SNCAIP: variants seen among roughly 807,000 people sequenced by gnomAD.
SNCAIP encodes synuclein alpha interacting protein.
A neutral mutation model predicts 86.7 loss-of-function variants in SNCAIP; 43 were observed. That is an observed-to-expected ratio of 0.50 (90% CI 0.39 to 0.64). The LOEUF (loss-of-function observed/expected upper bound fraction) is 0.64. Ranked by LOEUF, SNCAIP falls within the 30% of genes least tolerant of loss-of-function variation. The probability of loss-of-function intolerance (pLI) is 0.00; values close to 1 mark genes in which losing one functional copy is unlikely to be tolerated. For missense variants in SNCAIP, 981 were observed against 1,103.1 expected, an observed-to-expected ratio of 0.89 and a Z score of 1.57; for synonymous variants, 417 against 427.2, an observed-to-expected ratio of 0.98 and a Z score of 0.29.
Position 122,423,370 on chromosome 5 carries a change from TC to T in SNCAIP, c.636del (p.Val213Ter). 6.2e-7 allele frequency: 1 copy of T among 1,613,536 alleles called. No individual in the cohort carries two copies. The highest frequency in any genetic ancestry group is 8.5e-7 in the Non-Finnish European group (1 of 1,179,654). ...ACATGGCACCATTTTGTGTTCTTTC[TC>T]CCGTGAAAAGCCCTCACTTGAGAAA... ...SNMAPFCVLS[P>X]VKSPHLRKAS... On this transcript the variant is annotated frameshift_variant, in exon 4 of 11. Transcript: ENST00000261368. LOFTEE classifies it high-confidence loss of function.
At chr5:122,431,562 G>A (rs1391924252) in intron 5 of SNCAIP, among the ~76,000 whole-genome samples, 3 of 152,030 alleles carry the variant, frequency 2.0e-5, no homozygotes, top group Admixed American at 2.0e-4. Context: ...ATGAGAGGAG[G>A]GTGAGAACCA....
chr5:122,435,515 T>C (rs941279854), intron 6 of SNCAIP, among the ~76,000 whole-genome samples: 5 of 152,202 alleles, frequency 3.3e-5, no homozygotes, highest in Admixed American at 1.3e-4. Flanking sequence ...TGATTCCTTT[T>C]GTTTCTGAAT....
At chr5:122,317,863 A>G (rs1427342422) in intron 1 of SNCAIP, among the ~76,000 whole-genome samples, 2 of 152,022 alleles carry the variant, frequency 1.3e-5, no homozygotes, top group African/African-American at 4.8e-5. Context: ...CCACCTAATC[A>G]GTCACCAAGA....
intron 1 of SNCAIP, among the ~76,000 whole-genome samples, chr5:122,325,568 C>G (rs1753844831): frequency 2.6e-5 from 4 of 152,138 alleles, no homozygotes; most frequent in Non-Finnish European, 5.9e-5. Context: ...GCCCTTTTTA[C>G]TAAACAACTC....
At chr5:122,455,015 T>G (rs1784451958) in intron 10 of SNCAIP, among the ~76,000 whole-genome samples, 1 of 152,230 alleles carries the variant, frequency 6.6e-6, no homozygotes, top group East Asian at 1.9e-4. Context: ...TTAGATTCAC[T>G]GGCTTTACTT....
chr5:122,415,070 T>C (rs548349632), intron 3 of SNCAIP, among the ~76,000 whole-genome samples: 1 of 152,380 alleles, frequency 6.6e-6, no homozygotes, highest in East Asian at 1.9e-4. Flanking sequence ...AAATCTTTCT[T>C]TCACTCTTTA....
At chr5:122,342,974 A>G (rs1033531637) in intron 1 of SNCAIP, among the ~76,000 whole-genome samples, 19 of 152,272 alleles carry the variant, frequency 1.2e-4, no homozygotes, top group Admixed American at 9.8e-4. Context: ...GAAACAAAAT[A>G]GAATGTCTTT....
intron 1 of SNCAIP, among the ~76,000 whole-genome samples, chr5:122,381,642 G>T (rs1266090418): frequency 2.6e-5 from 4 of 150,948 alleles, no homozygotes; most frequent in African/African-American, 9.7e-5. Context: ...AGTCTCGATG[G>T]TCTTTACATT....
chr5:122,402,045 A>G (rs1338588721), intron 2 of SNCAIP, among the ~76,000 whole-genome samples: 1 of 152,130 alleles, frequency 6.6e-6, no homozygotes, highest in Non-Finnish European at 1.5e-5. Context: ...TTTAAACACA[A>G]TTCATCTTAA....
chr5:122,382,166 C>T (rs2152818609), intron 1 of SNCAIP, among the ~76,000 whole-genome samples: 1 of 152,340 alleles, frequency 6.6e-6, no homozygotes, highest in East Asian at 1.9e-4. Context: ...CTCCCCATCA[C>T]TTTCAGGTAC....
intron 3 of SNCAIP, among the ~76,000 whole-genome samples, chr5:122,412,184 AAAAC>A (rs1298986337): frequency 2.0e-5 from 3 of 152,092 alleles, no homozygotes; most frequent in East Asian, 1.9e-4. Context: ...TCCATCTTAA[AAAAC>A]AAACAAACCA....
chr5:122,379,670 G>A (rs1416306490), intron 1 of SNCAIP, among the ~76,000 whole-genome samples: 1 of 152,000 alleles, frequency 6.6e-6, no homozygotes, highest in African/African-American at 2.4e-5. Flanking sequence ...GATATTGGCT[G>A]TGAGTTTGTC....
intron 1 of SNCAIP, among the ~76,000 whole-genome samples, chr5:122,376,930 A>G (rs1345336628): frequency 6.6e-6 from 1 of 152,114 alleles, no homozygotes; most frequent in African/African-American, 2.4e-5. Flanking sequence ...TTCCTCCTTC[A>G]CAATGCAGGA....
intron 1 of SNCAIP, among the ~76,000 whole-genome samples, chr5:122,331,536 C>G (rs78966572): frequency 0.16 from 24,775 of 152,130 alleles, 2,189 homozygotes; most frequent in South Asian, 0.3. Flanking sequence ...GCCACTGTGA[C>G]AAAATACCAT....
At chr5:122,343,121 A>G (rs866617983) in intron 1 of SNCAIP, among the ~76,000 whole-genome samples, 7 of 152,354 alleles carry the variant, frequency 4.6e-5, no homozygotes, top group Middle Eastern at 6.8e-3. Context: ...AGATTTTCCA[A>G]TGGCACAAGT....
Position 122,423,115 on chromosome 5 carries a change from G to T in SNCAIP, c.378G>T (p.Val126=), listed in dbSNP as rs1682546608. Residue 126 remains valine (V), a synonymous_variant, in exon 4 of 11, where the codon GTG becomes GTT. Coordinates refer to ENST00000261368, the MANE Select transcript of SNCAIP (RefSeq NM_005460.4). ...QPQELGPGDG[V]GGPPGKSSEP... is the part of the protein sequence containing the mutation. ...AGGAGCTTGGCCCTGGAGATGGAGT[G>T]GGCGGCCCACCAGGTAAGAGCTCTG... The T allele has an allele frequency of 6.2e-7, 1 of 1,614,034 alleles. No individual in the cohort carries two copies. The highest frequency in any genetic ancestry group is 1.7e-5 in the Admixed American group (1 of 60,010).
chr5:122,379,525 C>T (rs1226187606), intron 1 of SNCAIP, among the ~76,000 whole-genome samples: 1 of 139,550 alleles, frequency 7.2e-6, no homozygotes, highest in Non-Finnish European at 1.5e-5. Context: ...ATTGAATACC[C>T]TTTATTTCCT....
intron 1 of SNCAIP, among the ~76,000 whole-genome samples, chr5:122,382,329 C>A (rs539675509): frequency 1.3e-5 from 2 of 152,186 alleles, no homozygotes; most frequent in Non-Finnish European, 2.9e-5. Flanking sequence ...TCCAGTTGAT[C>A]GCATTGGCTC....
chr5:122,410,171 A>G (rs1773828443), intron 3 of SNCAIP, among the ~76,000 whole-genome samples: 1 of 152,232 alleles, frequency 6.6e-6, no homozygotes, highest in African/African-American at 2.4e-5. Context: ...GATATGATCC[A>G]TTATTTTTAA....
Sources: gnomAD v4.1 joint callset for allele counts (sites outside exome capture counted in the v4.1 genomes callset) on GRCh38, gnomAD v4.1.1 for gene constraint, MANE v1.5 for transcripts, NCBI Gene and HGNC (gene_info 2026-07-23, HGNC 2026-07-21) for gene names.